The following STIM1 variants were observed in gnomAD, a reference collection of about 807,000 sequenced individuals.
STIM1 encodes the protein stromal interaction molecule 1.
In STIM1, 25 loss-of-function variants were observed where a neutral mutation model predicts 74.7. That is an observed-to-expected ratio of 0.33 (90% confidence interval 0.24 to 0.47). The LOEUF is 0.47. Among genes scored for constraint, STIM1 ranks in the 20% least tolerant of loss-of-function variants. The pLI is 1.00. For synonymous variants in STIM1, 328 were observed against 348.8 expected (o/e 0.94, Z 0.66); for missense variants, 728 against 920.8 (o/e 0.79, Z 2.71).
At position 3,863,220 on chromosome 11, in the gene STIM1, ATGTGTGTGTGTGTGTG is replaced by A. The variant is rs56737126; in HGVS notation, c.139+6843_139+6858del. Among the ~76,000 whole-genome samples, 542 of 125,894 alleles carry A rather than the reference ATGTGTGTGTGTGTGTG, an allele frequency of 4.3e-3. 5 individuals carry two copies. Among genetic ancestry groups the A allele is most frequent in the African/African-American group, 0.014 (473 of 33,578 alleles). The allele number at this position is 125,894 out of a possible 152,430, so 82.6% of individuals were successfully genotyped here. A position where few individuals can be genotyped will look rare whatever the true frequency, so the allele number is the denominator to read the frequency against. ...CACACGTATATATTTGAGACAATGCATGTGTGTGTGTGTGTGTGTGTGTGTGTGTGTGTGTGTGTGT... is the reference window on the plus strand; with the variant it reads ...CACACGTATATATTTGAGACAATGCATGTGTGTGTGTGTGTGTGTGTGTGT... On this transcript the variant is annotated intron_variant, in intron 1 of 12. Coordinates refer to ENST00000526596, the MANE Select transcript of STIM1 (RefSeq NM_001382567.1).
intron 2 of STIM1, among the ~76,000 whole-genome samples, chr11:3,979,574 T>A (rs2093481416): frequency 1.3e-5 from 2 of 152,272 alleles, no homozygotes; most frequent in Non-Finnish European, 2.9e-5. Flanking sequence ...GCCTCCCAAG[T>A]AGGTAGGACT....
chr11:3,908,882 C>T (rs2092513472), intron 1 of STIM1, among the ~76,000 whole-genome samples: 1 of 152,110 alleles, frequency 6.6e-6, no homozygotes, highest in African/African-American at 2.4e-5. Context: ...TACCTGGAAG[C>T]CTAAAATACA....
chr11:3,979,896 C>G (rs2093484915), intron 2 of STIM1, among the ~76,000 whole-genome samples: 1 of 152,156 alleles, frequency 6.6e-6, no homozygotes, highest in Admixed American at 6.5e-5. Flanking sequence ...CCCTGCACCC[C>G]TAGCCCTGTC....
chr11:3,964,034 G>A lies in STIM1; in HGVS notation c.140-3518G>A, dbSNP rs545528975. Among the ~76,000 whole-genome samples the A allele has an allele frequency of 9.5e-4, 145 of 152,312 alleles. No individual in the cohort carries two copies. The South Asian group carries it at 0.022, about 23-fold the overall frequency. ...CTATGCTGGATGTTTTAACAAATGT[G>A]ATTTTATTTTTAAAAAGTCTGTGCA... On this transcript the variant is annotated intron_variant, in intron 1 of 12. Transcript: ENST00000526596.
chr11:3,980,757 T>G (rs2093496141), intron 2 of STIM1, among the ~76,000 whole-genome samples: 1 of 152,062 alleles, frequency 6.6e-6, no homozygotes, highest in Non-Finnish European at 1.5e-5. Context: ...TTTCGGAACC[T>G]CAGCATTATT....
chr11:3,910,074 A>T (rs543370579), intron 1 of STIM1, among the ~76,000 whole-genome samples: 1 of 152,160 alleles, frequency 6.6e-6, no homozygotes, highest in East Asian at 1.9e-4. Flanking sequence ...ATGAGAGGGA[A>T]GAATTTTAGG....
chr11:3,898,130 A>G (rs1377598964), intron 1 of STIM1, among the ~76,000 whole-genome samples: 1 of 152,074 alleles, frequency 6.6e-6, no homozygotes, highest in Non-Finnish European at 1.5e-5. Context: ...AGTCCCACCA[A>G]CAGTGTAAGA....
At chr11:3,856,760 A>G (rs1354020174) in intron 1 of STIM1, among the ~76,000 whole-genome samples, 2 of 152,116 alleles carry the variant, frequency 1.3e-5, no homozygotes, top group African/African-American at 2.4e-5. Context: ...CATTGCTCCT[A>G]TTCGGTTTTA....
At chr11:4,050,569 GT>G (rs2094231600) in intron 3 of STIM1, among the ~76,000 whole-genome samples, 1 of 152,104 alleles carries the variant, frequency 6.6e-6, no homozygotes, top group East Asian at 1.9e-4. Context: ...TGACCTCTGG[GT>G]TCTTTTGTAT....
At chr11:3,916,055 C>A (rs1035914606) in intron 1 of STIM1, among the ~76,000 whole-genome samples, 3 of 151,788 alleles carry the variant, frequency 2.0e-5, no homozygotes, top group African/African-American at 7.3e-5. Flanking sequence ...TGATACATCT[C>A]AAAATAAATA....
intron 2 of STIM1, among the ~76,000 whole-genome samples, chr11:4,008,030 A>G (rs1039884913): frequency 6.6e-6 from 1 of 152,176 alleles, no homozygotes; most frequent in African/African-American, 2.4e-5. Context: ...CTCATATATA[A>G]TATGAATTAT....
chr11:4,029,635 T>G (rs529991156), intron 3 of STIM1, among the ~76,000 whole-genome samples: 1 of 151,968 alleles, frequency 6.6e-6, no homozygotes, highest in Admixed American at 6.5e-5. Context: ...GTATGTGGTG[T>G]GTGCGTATGT....
chr11:4,034,323 T>C (rs976805472), intron 3 of STIM1, among the ~76,000 whole-genome samples: 78 of 152,244 alleles, frequency 5.1e-4, no homozygotes, highest in African/African-American at 1.8e-3. Context: ...CCTAGTTTGC[T>C]GAGAGCCTTT....
At chr11:3,970,782 CT>C (rs1366983365) in intron 2 of STIM1, among the ~76,000 whole-genome samples, 1 of 151,924 alleles carries the variant, frequency 6.6e-6, no homozygotes, top group Non-Finnish European at 1.5e-5. Context: ...ATGGGTTTTT[CT>C]TTTTTTGTTT....
intron 2 of STIM1, among the ~76,000 whole-genome samples, chr11:4,003,875 G>A (rs1590638912): frequency 6.6e-6 from 1 of 152,238 alleles, no homozygotes; most frequent in East Asian, 1.9e-4. Flanking sequence ...AAGCTGATAA[G>A]CAACTTCAGC....
At chr11:4,071,099 G>A (rs1321088011) in intron 6 of STIM1, among the ~76,000 whole-genome samples, 1 of 152,216 alleles carries the variant, frequency 6.6e-6, no homozygotes, top group Non-Finnish European at 1.5e-5. Context: ...TAGGTGTTAA[G>A]GTTGAGTGTA....
At chr11:4,022,742 G>A (rs535032256) in intron 2 of STIM1, among the ~76,000 whole-genome samples, 1 of 152,280 alleles carries the variant, frequency 6.6e-6, no homozygotes, top group South Asian at 2.1e-4. Context: ...AACAGCTGGG[G>A]CTACTCACAC....
intron 2 of STIM1, among the ~76,000 whole-genome samples, chr11:4,015,832 A>G (rs1298315399): frequency 6.6e-6 from 1 of 152,078 alleles, no homozygotes; most frequent in African/African-American, 2.4e-5. Context: ...GCTTGATCAA[A>G]TCGGCTATTG....
chr11:3,928,194 T>C (rs2092811668), intron 1 of STIM1, among the ~76,000 whole-genome samples: 1 of 152,112 alleles, frequency 6.6e-6, no homozygotes. Context: ...TCTTTCGATA[T>C]GTTAATACAG....
Sources: allele counts gnomAD v4.1 joint callset (sites outside exome capture counted in the v4.1 genomes callset), GRCh38; gene constraint gnomAD v4.1.1; transcripts MANE v1.5; gene names NCBI Gene and HGNC (gene_info 2026-07-23, HGNC 2026-07-21).